Variants in OR2AG1 observed in about 807,000 individuals in gnomAD.
OR2AG1 encodes the protein olfactory receptor family 2 subfamily AG member 1.
For synonymous variants in OR2AG1, 157 were observed against 155.6 expected, an observed-to-expected ratio of 1.01 and a Z score of -0.07; for missense variants, 391 against 385.9, an observed-to-expected ratio of 1.01 and a Z score of -0.11.
At position 6,789,406 on chromosome 11, in the gene OR2AG1, T is replaced by G. The variant is rs568519845; in HGVS notation, c.*3418T>G. On this transcript the variant is annotated 3_prime_UTR_variant, in exon 2 of 2. Coordinates refer to ENST00000641258, the MANE Select transcript of OR2AG1 (RefSeq NM_001004489.3). ...GTCTTCTCAATCAAGAATCTCTTCC[T>G]GAGTAATTTCATCCACTTACATAGA... The G allele has an allele frequency of 6.6e-6, 1 of 152,328 alleles. No individual in the cohort carries two copies. The highest frequency in any genetic ancestry group is 2.1e-4 in the South Asian group (1 of 4,828). The allele number at this position is 152,328 out of a possible 1,614,324, so 9.4% of individuals were successfully genotyped here. A position where few individuals can be genotyped will look rare whatever the true frequency, so the allele number is the denominator to read the frequency against.
Position 6,785,135 on chromosome 11 carries a change from T to A in OR2AG1, c.98T>A (p.Ile33Asn), listed in dbSNP as rs200125902. The A allele has an allele frequency of 1.8e-5, 29 of 1,613,978 alleles. No individual in the cohort carries two copies. Among genetic ancestry groups the A allele is most frequent in the Non-Finnish European group, 2.2e-5 (26 of 1,179,874 alleles). Residue 33 changes from isoleucine to asparagine, a missense_variant, in exon 2 of 2, where the codon ATC (isoleucine) becomes AAC (asparagine). Ile to Asn is a moderately radical substitution (Grantham distance 149). Coordinates refer to ENST00000641258, the MANE Select transcript of OR2AG1 (RefSeq NM_001004489.3). ...SPELLCATIT[I>N]LYLLALISNG... is the part of the protein sequence containing the mutation. ...GAACTGCTCTGTGCTACAATTACAATCCTATACTTGTTGGCCCTGATCAGC... is the reference window on the plus strand; with the variant it reads ...GAACTGCTCTGTGCTACAATTACAAACCTATACTTGTTGGCCCTGATCAGC...
At position 6,787,394 on chromosome 11, in the gene OR2AG1, A is replaced by T. The variant is rs2133029294; in HGVS notation, c.*1406A>T. 6.6e-6 allele frequency: 1 copy of T among 152,296 alleles called. No homozygotes were observed. Among genetic ancestry groups the T allele is most frequent in the South Asian group, 2.1e-4 (1 of 4,828 alleles). 9.4% of individuals were successfully genotyped at this position (152,296 alleles called of 1,614,324 possible). A position where few individuals can be genotyped will look rare whatever the true frequency, so the allele number is the denominator to read the frequency against. On this transcript the variant is annotated 3_prime_UTR_variant, in exon 2 of 2. Coordinates refer to ENST00000641258, the MANE Select transcript of OR2AG1 (RefSeq NM_001004489.3). ...TTAACCTGTTTGTGCCCAAGTCTGC[A>T]AGTTTGCAAAGTGTAAGTTGACATT...
Position 6,788,907 on chromosome 11 carries a change from A to AAAATAAATAAATAAATAAAT in OR2AG1, c.*2947_*2966dup, listed in dbSNP as rs60349251. On this transcript the variant is annotated 3_prime_UTR_variant, in exon 2 of 2. Coordinates refer to ENST00000641258, the MANE Select transcript of OR2AG1 (RefSeq NM_001004489.3). Reference sequence around the variant, plus strand: ...GGGCAACAGAGTGAGATTCTGTCACAAAATAAATAAATAAATAAATAAATA... The same window carrying AAAATAAATAAATAAATAAAT: ...GGGCAACAGAGTGAGATTCTGTCACAAAATAAATAAATAAATAAATAAATAAATAAATAAATAAATAAATA... 40 of 138,528 alleles carry AAAATAAATAAATAAATAAAT rather than the reference A, an allele frequency of 2.9e-4. No individual in the cohort carries two copies. Among genetic ancestry groups the AAAATAAATAAATAAATAAAT allele is most frequent in the Admixed American group, 1.8e-3 (25 of 13,622 alleles). The allele number at this position is 138,528 out of a possible 1,614,324, so 8.6% of individuals were successfully genotyped here.
rs769215620 is a variant in OR2AG1 at position 6,785,586 on chromosome 11, C to T, written c.549C>T (p.His183=). 17 of 1,614,182 alleles carry T rather than the reference C, an allele frequency of 1.1e-5. No homozygotes were observed. The highest frequency in any genetic ancestry group is 1.4e-5 in the Non-Finnish European group (17 of 1,180,000). ...GGCATCTTCTCTGTGAGATCCCACACTTGCTGAAGGTGGCCTGTGCTGATA... is the reference window on the plus strand; with the variant it reads ...GGCATCTTCTCTGTGAGATCCCACATTTGCTGAAGGTGGCCTGTGCTGATA... The part of the protein sequence containing the change: ...EIRHLLCEIP[H]LLKVACADTS... Residue 183 remains histidine (H), a synonymous_variant, in exon 2 of 2, where the codon CAC becomes CAT. Coordinates refer to ENST00000641258, the MANE Select transcript of OR2AG1 (RefSeq NM_001004489.3).
chr11:6,786,350 T>C lies in OR2AG1; in HGVS notation c.*362T>C, dbSNP rs979380310. On this transcript the variant is annotated 3_prime_UTR_variant, in exon 2 of 2. Coordinates refer to ENST00000641258, the MANE Select transcript of OR2AG1 (RefSeq NM_001004489.3). ...AGAAAGGAAAGTTTCAAGTGGGTGG[T>C]GTAAGTAAAACCCAGACATCAAAGG... 11 of 180,596 alleles carry C rather than the reference T, an allele frequency of 6.1e-5. No individual in the cohort carries two copies. The East Asian group carries it at 1.4e-3, about 24-fold the overall frequency. The allele number at this position is 180,596 out of a possible 1,614,324, so 11.2% of individuals were successfully genotyped here. A position where few individuals can be genotyped will look rare whatever the true frequency, so the allele number is the denominator to read the frequency against.
At position 6,785,325 on chromosome 11, in the gene OR2AG1, C is replaced by T; in HGVS notation, c.288C>T (p.Gly96=). The change falls in exon 2 of 2, where the codon GGC becomes GGT. Residue 96 remains glycine, a synonymous_variant. Transcript: ENST00000641258. ...GAGAAAACACCATCTCCTTTGGAGG[C>T]TGTGCCCTTCAGATGTTCCTGGCAC... ...LRRENTISFG[G]CALQMFLALT... The T allele has an allele frequency of 6.2e-7, 1 of 1,614,212 alleles. No homozygotes were observed. Among genetic ancestry groups the T allele is most frequent in the Non-Finnish European group, 8.5e-7 (1 of 1,180,038 alleles).
At position 6,791,395 on chromosome 11, in the gene OR2AG1, C is replaced by T. The variant is rs1013726508; in HGVS notation, c.*5407C>T. 8 of 152,100 alleles carry T rather than the reference C, an allele frequency of 5.3e-5. No homozygotes were observed. The highest frequency in any genetic ancestry group is 9.7e-5 in the African/African-American group (4 of 41,404). The allele number at this position is 152,100 out of a possible 1,614,324, so 9.4% of individuals were successfully genotyped here. A position where few individuals can be genotyped will look rare whatever the true frequency, so the allele number is the denominator to read the frequency against. On this transcript the variant is annotated 3_prime_UTR_variant, in exon 2 of 2. Coordinates refer to ENST00000641258, the MANE Select transcript of OR2AG1 (RefSeq NM_001004489.3). ...AATGAATACACCTGCCCTATAGGCC[C>T]GCTTCTCTACCAAGCACACGGAGAT...
chr11:6,788,906 CAAAA>C lies in OR2AG1; in HGVS notation c.*2919_*2922del, dbSNP rs1847654416. Reference sequence around the variant, plus strand: ...TGGGCAACAGAGTGAGATTCTGTCACAAAATAAATAAATAAATAAATAAATAAAT... The same window carrying C: ...TGGGCAACAGAGTGAGATTCTGTCACTAAATAAATAAATAAATAAATAAAT... On this transcript the variant is annotated 3_prime_UTR_variant, in exon 2 of 2. Coordinates refer to ENST00000641258, the MANE Select transcript of OR2AG1 (RefSeq NM_001004489.3). 1 of 97,992 alleles carries C rather than the reference CAAAA, an allele frequency of 1.0e-5. No homozygotes were observed. Among genetic ancestry groups the C allele is most frequent in the South Asian group, 3.1e-4 (1 of 3,240 alleles). 6.1% of individuals were successfully genotyped at this position (97,992 alleles called of 1,614,324 possible).
chr11:6,784,023 T>C (rs1004974732), intron 1 of OR2AG1, among the ~76,000 whole-genome samples: 4 of 152,176 alleles, frequency 2.6e-5, no homozygotes, highest in Admixed American at 6.5e-5. Context: ...CTCCTGTCAA[T>C]CTTAGGCCCT....
chr11:6,783,485 A>C lies in OR2AG1; in HGVS notation c.-21+14A>C, dbSNP rs954863552. 3.3e-5 allele frequency: 5 copies of C among 152,202 alleles called. No homozygotes were observed. Among genetic ancestry groups the C allele is most frequent in the African/African-American group, 1.2e-4 (5 of 41,456 alleles). 9.4% of individuals were successfully genotyped at this position (152,202 alleles called of 1,614,324 possible). A position where few individuals can be genotyped will look rare whatever the true frequency, so the allele number is the denominator to read the frequency against. ...TCACAACCTGAGGTAAGGACTTTGT[A>C]TTTATTTCAGGGGAAGGTGTGCCTC... On this transcript the variant is annotated intron_variant, in intron 1 of 1. Coordinates refer to ENST00000641258, the MANE Select transcript of OR2AG1 (RefSeq NM_001004489.3).
In OR2AG1 at chr11:6,785,376, C is replaced by T. The variant is rs1265521029; in HGVS notation, c.339C>T (p.Leu113=). Reference sequence around the variant, plus strand: ...TGACAATGGGTGGTGCTGAGGACCTCCTACTGGCCTTCATGGCCTATGACA... The same window carrying T: ...TGACAATGGGTGGTGCTGAGGACCTTCTACTGGCCTTCATGGCCTATGACA... ...LALTMGGAED[L]LLAFMAYDRY... The change falls in exon 2 of 2, where the codon CTC becomes CTT. Residue 113 remains leucine (L), a synonymous_variant. Transcript: ENST00000641258. The T allele has an allele frequency of 1.9e-6, 3 of 1,614,088 alleles. No individual in the cohort carries two copies. The highest frequency in any genetic ancestry group is 2.5e-6 in the Non-Finnish European group (3 of 1,180,032).
intron 1 of OR2AG1, among the ~76,000 whole-genome samples, chr11:6,784,727 A>G (rs1663627614): frequency 6.6e-6 from 1 of 152,254 alleles, no homozygotes; most frequent in Non-Finnish European, 1.5e-5. Context: ...TAATCTTAAG[A>G]GAAAGATAAT....
chr11:6,783,583 C>G (rs1057220158), intron 1 of OR2AG1, 112 bp downstream of exon 1: 3 of 152,174 alleles, frequency 2.0e-5, no homozygotes, highest in Non-Finnish European at 2.9e-5. Context: ...CTGCCAGATT[C>G]CCTAGTATAA....
At position 6,786,210 on chromosome 11, in the gene OR2AG1, T is replaced by G; in HGVS notation, c.*222T>G. The G allele has an allele frequency of 2.2e-6, 1 of 449,368 alleles. No homozygotes were observed. The highest frequency in any genetic ancestry group is 6.1e-5 in the South Asian group (1 of 16,456). The allele number at this position is 449,368 out of a possible 1,614,324, so 27.8% of individuals were successfully genotyped here. A position where few individuals can be genotyped will look rare whatever the true frequency, so the allele number is the denominator to read the frequency against. On this transcript the variant is annotated 3_prime_UTR_variant, in exon 2 of 2. Transcript: ENST00000641258. Reference sequence around the variant, plus strand: ...TATCTAAAATTACTCTTCACTCTATTTAAAATTTAATCTTTATTTTCCCAG... The same window carrying G: ...TATCTAAAATTACTCTTCACTCTATGTAAAATTTAATCTTTATTTTCCCAG...
rs542803990 is a variant in OR2AG1 at position 6,785,979 on chromosome 11, C to T, written c.942C>T (p.Ser314=). 8.7e-6 allele frequency: 14 copies of T among 1,610,524 alleles called. No homozygotes were observed. In the Admixed American group the frequency reaches 1.7e-4, roughly 19 times the overall value. Residue 314 remains serine (S), a synonymous_variant, in exon 2 of 2, where the codon TCC becomes TCT. Transcript: ENST00000641258. ...GAAAATACATGCTGCCAGCACACTC[C>T]ACGCTCTAGGGAAGGATCATGGCTA... ...VLGKYMLPAH[S]TL is the part of the protein sequence containing the mutation.
chr11:6,789,486 CCA>C lies in OR2AG1; in HGVS notation c.*3501_*3502del, dbSNP rs1847665533. On this transcript the variant is annotated 3_prime_UTR_variant, in exon 2 of 2. Transcript: ENST00000641258. Reference sequence around the variant, plus strand: ...CCAAAGACCTCACTACTTGTATAATCCACAGACTCAAAAAATTAGCCGGGTGT... The same window carrying C: ...CCAAAGACCTCACTACTTGTATAATCCAGACTCAAAAAATTAGCCGGGTGT... 1 of 152,164 alleles carries C rather than the reference CCA, an allele frequency of 6.6e-6. No homozygotes were observed. The highest frequency in any genetic ancestry group is 1.5e-5 in the Non-Finnish European group (1 of 68,086). The allele number at this position is 152,164 out of a possible 1,614,324, so 9.4% of individuals were successfully genotyped here.
intron 1 of OR2AG1, 57 bp from the exon 2 acceptor site, chr11:6,784,961 A>C: frequency 1.1e-6 from 1 of 884,480 alleles, no homozygotes; most frequent in Non-Finnish European, 1.8e-6. Context: ...AGCCTCTGAT[A>C]TTTCAAAACT....
chr11:6,784,066 G>A (rs1364016278), intron 1 of OR2AG1, among the ~76,000 whole-genome samples: 1 of 152,060 alleles, frequency 6.6e-6, no homozygotes, highest in Non-Finnish European at 1.5e-5. Flanking sequence ...ATGGGATTGG[G>A]TACCACAATG....
rs533540803 is a variant in OR2AG1, at chr11:6,790,016, C to G, written c.*4028C>G. 3 of 152,144 alleles carry G rather than the reference C, an allele frequency of 2.0e-5. No homozygotes were observed. The highest frequency in any genetic ancestry group is 2.9e-5 in the Non-Finnish European group (2 of 68,018). 9.4% of individuals were successfully genotyped at this position (152,144 alleles called of 1,614,324 possible). A position where few individuals can be genotyped will look rare whatever the true frequency, so the allele number is the denominator to read the frequency against. ...ACAACCTAAGAGTCTATCAACAGAC[C>G]AATGGATAAAGAAAATGTGGTCTAT... On this transcript the variant is annotated 3_prime_UTR_variant, in exon 2 of 2. Transcript: ENST00000641258.
Sources: gnomAD v4.1 joint callset for allele counts (sites outside exome capture counted in the v4.1 genomes callset) on GRCh38, gnomAD v4.1.1 for gene constraint, MANE v1.5 for transcripts, NCBI Gene and HGNC (gene_info 2026-07-23, HGNC 2026-07-21) for gene names.